PCDHA7: variants seen among roughly 807,000 people sequenced by gnomAD.
PCDHA7 encodes protocadherin alpha-7.
Under a neutral mutation model 57.2 loss-of-function variants are expected in PCDHA7, and 37 were observed. The ratio of observed to expected loss-of-function variants is 0.65; its 90% confidence interval spans 0.50 to 0.85. The LOEUF (loss-of-function observed/expected upper bound fraction) is 0.85. Among genes scored for constraint, PCDHA7 ranks in the 40% least tolerant of loss-of-function variants. The pLI is 0.00. For synonymous variants in PCDHA7, 553 were observed against 558.8 expected, an observed-to-expected ratio of 0.99 and a Z score of 0.15; for missense variants, 1,188 against 1,241.8, an observed-to-expected ratio of 0.96 and a Z score of 0.65.
rs898079440 is a variant in PCDHA7, at chr5:140,897,263, A to T, written c.2355+60525A>T. Among the ~76,000 whole-genome samples, 4 of 151,888 alleles carry T rather than the reference A, an allele frequency of 2.6e-5. No individual in the cohort carries two copies. The South Asian group carries it at 6.2e-4, about 24-fold the overall frequency. On this transcript the variant is annotated intron_variant, in intron 1 of 3. Transcript: ENST00000525929. Reference sequence around the variant, plus strand: ...TTAGTTACATATGTATACATGTGCCATGCTGGTGTGCTGCACCCATTAACT... The same window carrying T: ...TTAGTTACATATGTATACATGTGCCTTGCTGGTGTGCTGCACCCATTAACT...
At chr5:140,973,107 G>A (rs2096572271) in intron 1 of PCDHA7, among the ~76,000 whole-genome samples, 1 of 152,192 alleles carries the variant, frequency 6.6e-6, no homozygotes, top group South Asian at 2.1e-4. Flanking sequence ...TTATGAAAGA[G>A]TAGCAGAGAT....
In PCDHA7 at chr5:140,900,825, C is replaced by T. The variant is rs568337253; in HGVS notation, c.2355+64087C>T. On this transcript the variant is annotated intron_variant, in intron 1 of 3. Coordinates refer to ENST00000525929, the MANE Select transcript of PCDHA7 (RefSeq NM_018910.3). Reference sequence around the variant, plus strand: ...TGCTTGTACTAATTTACATTCCCACCAACAATGTACAAAGTTTCCCTTTTT... The same window carrying T: ...TGCTTGTACTAATTTACATTCCCACTAACAATGTACAAAGTTTCCCTTTTT... Among the ~76,000 whole-genome samples, 8 of 152,276 alleles carry T rather than the reference C, an allele frequency of 5.3e-5. No homozygotes were observed. The South Asian group carries it at 1.7e-3, about 32-fold the overall frequency.
At chr5:140,964,013 A>G (rs155811) in intron 1 of PCDHA7, among the ~76,000 whole-genome samples, 53,810 of 151,994 alleles carry the variant, frequency 0.35, 9,678 homozygotes, top group East Asian at 0.53. Context: ...TTTTTAATAG[A>G]GAGCTCTTGA....
At chr5:141,000,391 CTCTCTA>C (rs1434799221) in intron 3 of PCDHA7, among the ~76,000 whole-genome samples, 1,083 of 55,870 alleles carry the variant, frequency 0.019, 5 homozygotes, top group Non-Finnish European at 0.023. Context: ...CTCTCTCTCT[CTCTCTA>C]TATATATATA....
chr5:140,927,225 G>A, intron 1 of PCDHA7: 2 of 1,614,112 alleles, frequency 1.2e-6, no homozygotes, highest in South Asian at 2.2e-5. Context: ...ACAAGATTCG[G>A]ATTCACGTCC....
intron 1 of PCDHA7, chr5:140,928,828 C>G (rs199775949): frequency 6.2e-7 from 1 of 1,614,160 alleles, no homozygotes. Context: ...AGACCCACCA[C>G]TTTCCTCCTC....
intron 1 of PCDHA7, among the ~76,000 whole-genome samples, chr5:140,881,750 C>T (rs1161973911): frequency 6.6e-6 from 1 of 152,092 alleles, no homozygotes; most frequent in Non-Finnish European, 1.5e-5. Flanking sequence ...AGGACAGTAC[C>T]ACAAAAACCT....
chr5:140,876,925 C>G (rs1554169109), intron 1 of PCDHA7: 1 of 1,613,838 alleles, frequency 6.2e-7, no homozygotes, highest in South Asian at 1.1e-5. Flanking sequence ...CGCGGACGCG[C>G]AGAAGAACGC....
At chr5:140,895,904 C>CG (rs2065248350) in intron 1 of PCDHA7, among the ~76,000 whole-genome samples, 2 of 152,138 alleles carry the variant, frequency 1.3e-5, no homozygotes, top group Non-Finnish European at 2.9e-5. Flanking sequence ...CTCCGCGTCC[C>CG]GGGCTCAACA....
At chr5:140,955,155 C>T (rs1241099289) in intron 1 of PCDHA7, among the ~76,000 whole-genome samples, 1 of 152,088 alleles carries the variant, frequency 6.6e-6, no homozygotes, top group Non-Finnish European at 1.5e-5. Context: ...GTACCAGTAC[C>T]GTGCTGTTTT....
intron 1 of PCDHA7, chr5:140,928,265 A>T (rs1208273188): frequency 4.3e-6 from 7 of 1,614,188 alleles, no homozygotes; most frequent in Non-Finnish European, 4.2e-6. Flanking sequence ...GCTGAAAACA[A>T]TGGCCCTGGG....
intron 1 of PCDHA7, among the ~76,000 whole-genome samples, chr5:140,977,966 G>A (rs562447024): frequency 3.9e-5 from 6 of 152,004 alleles, no homozygotes; most frequent in South Asian, 4.2e-4. Context: ...CTCAATCTCC[G>A]CCCATGAAAA....
chr5:140,937,964 A>G (rs1298140144), intron 1 of PCDHA7, among the ~76,000 whole-genome samples: 1 of 152,164 alleles, frequency 6.6e-6, no homozygotes, highest in East Asian at 1.9e-4. Flanking sequence ...GAAAGTATAT[A>G]GAAATAATAC....
At chr5:140,896,608 C>A (rs1356168334) in intron 1 of PCDHA7, among the ~76,000 whole-genome samples, 2 of 151,832 alleles carry the variant, frequency 1.3e-5, no homozygotes, top group Non-Finnish European at 2.9e-5. Context: ...AACTCCTGGT[C>A]TTAAGTGATC....
At chr5:140,916,270 G>T (rs1487301756) in intron 1 of PCDHA7, among the ~76,000 whole-genome samples, 2 of 152,180 alleles carry the variant, frequency 1.3e-5, no homozygotes, top group Non-Finnish European at 2.9e-5. Context: ...GAGCATGCTT[G>T]TTGCTCTACT....
intron 3 of PCDHA7, among the ~76,000 whole-genome samples, chr5:141,007,748 T>C (rs188910603): frequency 1.3e-3 from 195 of 152,298 alleles, no homozygotes; most frequent in African/African-American, 4.4e-3. Context: ...GAAGATAACT[T>C]TGGACTCTTA....
chr5:140,967,528 T>C, intron 1 of PCDHA7: 3 of 1,613,146 alleles, frequency 1.9e-6, no homozygotes, highest in Non-Finnish European at 2.5e-6. Context: ...ACGACAACTC[T>C]CCTGCCTTTG....
Position 140,927,866 on chromosome 5 carries a change from A to G in PCDHA7, c.2356-51083A>G, listed in dbSNP as rs1554205166. The G allele has an allele frequency of 2.5e-6, 4 of 1,614,224 alleles. No individual in the cohort carries two copies. In the Admixed American group the frequency reaches 6.7e-5, roughly 27 times the overall value. On this transcript the variant is annotated intron_variant, in intron 1 of 3. Transcript: ENST00000525929. Reference sequence around the variant, plus strand: ...GTCTTTGGTTTAGCTAGCACCGCTAAACTGCTGGTGGAGGTGACTGACGTG... The same window carrying G: ...GTCTTTGGTTTAGCTAGCACCGCTAGACTGCTGGTGGAGGTGACTGACGTG...
chr5:140,857,925 A>T (rs1291686886), intron 1 of PCDHA7: 2 of 1,597,686 alleles, frequency 1.3e-6, no homozygotes, highest in Non-Finnish European at 1.7e-6. Flanking sequence ...GTGGGGCTGT[A>T]CACGGGCGAG....
Sources: gnomAD v4.1 joint callset for allele counts (sites outside exome capture counted in the v4.1 genomes callset) on GRCh38, gnomAD v4.1.1 for gene constraint, MANE v1.5 for transcripts, NCBI Gene and HGNC (gene_info 2026-07-23, HGNC 2026-07-21) for gene names.